The following NPSR1 variants were observed in gnomAD, a reference collection of about 807,000 sequenced individuals.
NPSR1 encodes neuropeptide S receptor.
A neutral mutation model predicts 46.9 loss-of-function variants in NPSR1; 48 were observed. The ratio of observed to expected loss-of-function variants is 1.02; its 90% CI spans 0.81 to 1.30. The LOEUF (loss-of-function observed/expected upper bound fraction) is 1.30, where lower values mean the gene tolerates loss of function less well. Ranked by LOEUF, NPSR1 falls within the 50% of genes most tolerant of loss-of-function variation. The pLI, the probability that NPSR1 is intolerant of heterozygous loss-of-function variation, is 0.00. For missense variants in NPSR1, 450 were observed against 449.5 expected, an observed-to-expected ratio of 1.00 and a Z score of -0.01; for synonymous variants, 176 against 168.1, an observed-to-expected ratio of 1.05 and a Z score of -0.36.
At position 34,710,989 on chromosome 7, in the gene NPSR1, T is replaced by G. The variant is rs146921397; in HGVS notation, c.280+26305T>G. ...AAATGGCTAGGATGGCAAGAAAAGCTGACCACTTCTATGTACCTGCAGAAC... is the reference window on the plus strand; with the variant it reads ...AAATGGCTAGGATGGCAAGAAAAGCGGACCACTTCTATGTACCTGCAGAAC... On this transcript the variant is annotated intron_variant, in intron 2 of 8. Coordinates refer to ENST00000360581, the MANE Select transcript of NPSR1 (RefSeq NM_207172.2). 19 of 359,758 alleles carry G rather than the reference T, an allele frequency of 5.3e-5. No homozygotes were observed. In the East Asian group the frequency reaches 1.2e-3, roughly 22 times the overall value. The allele number at this position is 359,758 out of a possible 1,614,324, so 22.3% of individuals were successfully genotyped here.
chr7:34,745,856 A>G (rs1785179264), intron 2 of NPSR1, among the ~76,000 whole-genome samples: 1 of 152,240 alleles, frequency 6.6e-6, no homozygotes, highest in Non-Finnish European at 1.5e-5. Context: ...GATATTCCCA[A>G]TATATGCAAT....
chr7:34,679,903 A>G (rs899360835), intron 1 of NPSR1, among the ~76,000 whole-genome samples: 1 of 152,144 alleles, frequency 6.6e-6, no homozygotes, highest in Non-Finnish European at 1.5e-5. Flanking sequence ...TCCTAATACT[A>G]AATACAAAAT....
chr7:34,757,909 C>T (rs1361866277), intron 2 of NPSR1, among the ~76,000 whole-genome samples: 1 of 152,178 alleles, frequency 6.6e-6, no homozygotes, highest in Non-Finnish European at 1.5e-5. Context: ...CTGGACACCT[C>T]GTTTGCTTTA....
chr7:34,702,351 TTTA>T (rs1318095946), intron 2 of NPSR1, among the ~76,000 whole-genome samples: 9 of 152,264 alleles, frequency 5.9e-5, no homozygotes, highest in African/African-American at 1.7e-4. Context: ...AATATTTTCA[TTTA>T]TTATTATTTT....
chr7:34,874,474 G>A (rs1191849083), intron 8 of NPSR1, among the ~76,000 whole-genome samples: 1 of 152,088 alleles, frequency 6.6e-6, no homozygotes, highest in Non-Finnish European at 1.5e-5. Context: ...GGATAATTTG[G>A]GGGTGGGGGT....
intron 6 of NPSR1, among the ~76,000 whole-genome samples, chr7:34,842,661 C>T (rs1283182544): frequency 6.6e-6 from 1 of 152,242 alleles, no homozygotes; most frequent in Non-Finnish European, 1.5e-5. Context: ...AGTGGCCTTA[C>T]AGGGTATGCT....
intron 2 of NPSR1, among the ~76,000 whole-genome samples, chr7:34,744,271 T>C (rs1489943313): frequency 6.6e-6 from 1 of 152,264 alleles, no homozygotes; most frequent in Non-Finnish European, 1.5e-5. Flanking sequence ...TATCTTACAT[T>C]GATATCACTA....
intron 2 of NPSR1, among the ~76,000 whole-genome samples, chr7:34,740,685 GGT>G (rs1377956539): frequency 6.6e-6 from 1 of 152,124 alleles, no homozygotes; most frequent in East Asian, 1.9e-4. Flanking sequence ...ACCTAGTGAC[GGT>G]GTGTGTTTGG....
chr7:34,696,958 T>C (rs967920678), intron 2 of NPSR1, among the ~76,000 whole-genome samples: 2 of 151,990 alleles, frequency 1.3e-5, no homozygotes, highest in Non-Finnish European at 2.9e-5. Flanking sequence ...TAGCTCATGA[T>C]GTATTTTATG....
intron 2 of NPSR1, among the ~76,000 whole-genome samples, chr7:34,723,087 C>T (rs1024110136): frequency 3.3e-5 from 5 of 152,088 alleles, no homozygotes; most frequent in African/African-American, 1.2e-4. Context: ...CAAATTAAGC[C>T]AGAGCAAATC....
At chr7:34,777,821 T>G (rs1483709836) in intron 2 of NPSR1, among the ~76,000 whole-genome samples, 1 of 152,146 alleles carries the variant, frequency 6.6e-6, no homozygotes, top group Non-Finnish European at 1.5e-5. Flanking sequence ...AATCTGTAAC[T>G]ATAGAATTGA....
intron 1 of NPSR1, among the ~76,000 whole-genome samples, chr7:34,677,310 G>C (rs1476507413): frequency 6.6e-6 from 1 of 152,162 alleles, no homozygotes; most frequent in Admixed American, 6.5e-5. Flanking sequence ...CATCAATGCC[G>C]ACGCTCTATG....
intron 2 of NPSR1, among the ~76,000 whole-genome samples, chr7:34,739,543 G>A (rs543493910): frequency 9.8e-5 from 15 of 152,314 alleles, no homozygotes; most frequent in African/African-American, 3.4e-4. Context: ...CATCTTCAGA[G>A]AAATGTCACT....
At chr7:34,867,131 A>C (rs1791331771) in intron 8 of NPSR1, among the ~76,000 whole-genome samples, 1 of 151,642 alleles carries the variant, frequency 6.6e-6, no homozygotes, top group Admixed American at 6.6e-5. Context: ...GGAACCCAGA[A>C]CCCTCATCAT....
rs1002125970 is a variant in NPSR1, at chr7:34,849,858, C to G, written c.*203C>G. ...GAACTCCCCAGTTATTCATGCCAGCCAGGAAGGAAACGCCTTCCTTCCCCA... is the reference window on the plus strand; with the variant it reads ...GAACTCCCCAGTTATTCATGCCAGCGAGGAAGGAAACGCCTTCCTTCCCCA... On this transcript the variant is annotated 3_prime_UTR_variant, in exon 9 of 9. Transcript: ENST00000360581. The G allele has an allele frequency of 9.0e-6, 12 of 1,335,312 alleles. No homozygotes were observed. The African/African-American group carries it at 1.6e-4, about 18-fold the overall frequency. 82.7% of individuals were successfully genotyped at this position (1,335,312 alleles called of 1,614,324 possible). A position where few individuals can be genotyped will look rare whatever the true frequency, so the allele number is the denominator to read the frequency against.
chr7:34,733,842 A>C (rs957276305), intron 2 of NPSR1, among the ~76,000 whole-genome samples: 18 of 152,232 alleles, frequency 1.2e-4, no homozygotes, highest in African/African-American at 4.3e-4. Flanking sequence ...GGAGTTTCAC[A>C]ACTGTCTTGA....
At chr7:34,659,855 G>A (rs1791366307) in intron 1 of NPSR1, among the ~76,000 whole-genome samples, 1 of 152,136 alleles carries the variant, frequency 6.6e-6, no homozygotes, top group Non-Finnish European at 1.5e-5. Flanking sequence ...GTGCACCCAG[G>A]AAGCACAGGA....
rs1562780718 is a variant in NPSR1 at position 34,870,903 on chromosome 7, A to ATGGATGG, written c.1026-7173_1026-7172insTGGATGG. ...GGATGGATGGATGGATGGATGGATG[A>ATGGATGG]ATGGATGGATGGATAGATGGATGGA... is the stretch of plus-strand genomic sequence containing the variant. On this transcript the variant is annotated intron_variant, in intron 8 of 8. Transcript: ENST00000359791. Among the ~76,000 whole-genome samples the ATGGATGG allele has an allele frequency of 8.3e-5, 10 of 120,858 alleles. 1 individual carries two copies. Among genetic ancestry groups the ATGGATGG allele is most frequent in the African/African-American group, 3.3e-4 (10 of 30,062 alleles). The allele number at this position is 120,858 out of a possible 152,430, so 79.3% of individuals were successfully genotyped here. A position where few individuals can be genotyped will look rare whatever the true frequency, so the allele number is the denominator to read the frequency against.
intron 3 of NPSR1, among the ~76,000 whole-genome samples, chr7:34,786,645 C>G (rs190968288): frequency 3.5e-4 from 54 of 152,244 alleles, no homozygotes; most frequent in African/African-American, 1.3e-3. Flanking sequence ...AATAATAACA[C>G]TGGAAAGTCA....
Sources: allele counts gnomAD v4.1 joint callset (sites outside exome capture counted in the v4.1 genomes callset), GRCh38; gene constraint gnomAD v4.1.1; transcripts MANE v1.5; gene names NCBI Gene and HGNC (gene_info 2026-07-23, HGNC 2026-07-21).